The following COL23A1 variants were observed in gnomAD, a reference collection of about 807,000 sequenced individuals.
COL23A1 encodes the protein collagen alpha-1(XXIII) chain.
In COL23A1, 97 loss-of-function variants were observed where a neutral mutation model predicts 99.3. The ratio of observed to expected loss-of-function variants is 0.98; its 90% confidence interval spans 0.83 to 1.16. COL23A1 has a LOEUF of 1.16. COL23A1 is among the 50% of genes most tolerant of loss of function. The probability of loss-of-function intolerance (pLI) is 0.00; values close to 1 mark genes in which losing one functional copy is unlikely to be tolerated. For synonymous variants in COL23A1, 320 were observed against 308.2 expected, an observed-to-expected ratio of 1.04 and a Z score of -0.40; for missense variants, 762 against 757.4, an observed-to-expected ratio of 1.01 and a Z score of -0.07.
rs756367939 is a variant in COL23A1, at chr5:178,358,689, GTGTA to G, written c.362-51774_362-51771del. 2.5e-4 allele frequency among the ~76,000 whole-genome samples: 34 copies of G among 136,858 alleles called. No homozygotes were observed. In the East Asian group the frequency reaches 6.0e-3, roughly 24 times the overall value. 89.8% of individuals were successfully genotyped at this position (136,858 alleles called of 152,430 possible). A position where few individuals can be genotyped will look rare whatever the true frequency, so the allele number is the denominator to read the frequency against. ...GTGTCTAATGTGTATGTGTATGTGT[GTGTA>G]TGTATGTGTATGTGTGTATGTGTGT... On this transcript the variant is annotated intron_variant, in intron 2 of 28. Transcript: ENST00000390654.
rs1464123520 is a variant in COL23A1 at position 178,455,396 on chromosome 5, A to C, written c.361+105286T>G. On this transcript the variant is annotated intron_variant, in intron 2 of 28. Coordinates refer to ENST00000390654, the MANE Select transcript of COL23A1 (RefSeq NM_173465.4). The stretch of plus-strand genomic sequence containing the variant: ...GCCTGACCCTGGCATCGGCTGACAC[A>C]GCAGGGTGGAACCCCAGGGGGGCTG... Among the ~76,000 whole-genome samples the C allele has an allele frequency of 2.0e-5, 3 of 152,222 alleles. No individual in the cohort carries two copies. In the East Asian group the frequency reaches 5.8e-4, roughly 29 times the overall value.
chr5:178,256,853 G>C lies in COL23A1; in HGVS notation c.837+13C>G. 6.2e-7 allele frequency: 1 copy of C among 1,611,602 alleles called. No individual in the cohort carries two copies. Among genetic ancestry groups the C allele is most frequent in the Non-Finnish European group, 8.5e-7 (1 of 1,178,986 alleles). On this transcript the variant is annotated intron_variant, in intron 14 of 28. Transcript: ENST00000390654. ...GGGCCCGCAGGCGCCAGAGCAGAGAGCTCTCATGTCACCTTCGGTCCTGGG... is the reference window on the plus strand; with the variant it reads ...GGGCCCGCAGGCGCCAGAGCAGAGACCTCTCATGTCACCTTCGGTCCTGGG...
chr5:178,494,988 A>T (rs1317579824), intron 2 of COL23A1, among the ~76,000 whole-genome samples: 1 of 152,314 alleles, frequency 6.6e-6, no homozygotes, highest in East Asian at 1.9e-4. Context: ...TTCAGCCCCA[A>T]TAATGACATG....
chr5:178,362,480 A>C (rs543457558), intron 2 of COL23A1, among the ~76,000 whole-genome samples: 32 of 151,884 alleles, frequency 2.1e-4, no homozygotes, highest in African/African-American at 7.7e-4. Flanking sequence ...TTTTGCCACC[A>C]GCACCTCACT....
intron 2 of COL23A1, among the ~76,000 whole-genome samples, chr5:178,505,480 A>T (rs1758815269): frequency 6.6e-6 from 1 of 152,000 alleles, no homozygotes; most frequent in Non-Finnish European, 1.5e-5. Context: ...TAAACTCCTG[A>T]CCTCAGGTGA....
chr5:178,267,730 C>T (rs369916214), intron 7 of COL23A1, among the ~76,000 whole-genome samples: 2 of 152,234 alleles, frequency 1.3e-5, no homozygotes, highest in Admixed American at 1.3e-4. Context: ...GACACCAAGA[C>T]ACCAGTTCTC....
At chr5:178,352,537 TAAAATATAGAAGC>T (rs1233634357) in intron 2 of COL23A1, among the ~76,000 whole-genome samples, 1 of 152,160 alleles carries the variant, frequency 6.6e-6, no homozygotes, top group Non-Finnish European at 1.5e-5. Flanking sequence ...TTACAATAGA[TAAAATATAGAAGC>T]ACAGCTCCTC....
intron 2 of COL23A1, among the ~76,000 whole-genome samples, chr5:178,326,118 G>A (rs1416235695): frequency 1.3e-5 from 2 of 152,186 alleles, no homozygotes; most frequent in Admixed American, 6.5e-5. Flanking sequence ...ATGAGCGGGG[G>A]AGTATTCTCA....
chr5:178,344,400 A>G lies in COL23A1; in HGVS notation c.362-37481T>C, dbSNP rs28439842. Among the ~76,000 whole-genome samples the G allele has an allele frequency of 9.2e-3, 1,398 of 152,146 alleles. 21 individuals carry two copies. The highest frequency in any genetic ancestry group is 0.031 in the African/African-American group (1,290 of 41,516). On this transcript the variant is annotated intron_variant, in intron 2 of 28. Coordinates refer to ENST00000390654, the MANE Select transcript of COL23A1 (RefSeq NM_173465.4). ...GCCTGTAATCCCAGCACCTTGGGAG[A>G]CCAAGGTGGGTGGATCACCTGAGGT...
chr5:178,367,813 CG>C (rs1230026147), intron 2 of COL23A1, among the ~76,000 whole-genome samples: 1 of 152,246 alleles, frequency 6.6e-6, no homozygotes, highest in Admixed American at 6.5e-5. Flanking sequence ...CGCAGGTACA[CG>C]TGAGTCCAGG....
chr5:178,471,907 T>C (rs1756773630), intron 2 of COL23A1, among the ~76,000 whole-genome samples: 1 of 152,140 alleles, frequency 6.6e-6, no homozygotes, highest in African/African-American at 2.4e-5. Context: ...CTTCCCCATA[T>C]GGTCCTGTTG....
At chr5:178,418,099 T>C (rs1414726710) in intron 2 of COL23A1, among the ~76,000 whole-genome samples, 1 of 152,238 alleles carries the variant, frequency 6.6e-6, no homozygotes, top group East Asian at 1.9e-4. Flanking sequence ...ATTCAAACCC[T>C]AGGTCTGCCA....
chr5:178,536,344 T>C (rs988361012), intron 2 of COL23A1, among the ~76,000 whole-genome samples: 1 of 152,188 alleles, frequency 6.6e-6, no homozygotes, highest in Non-Finnish European at 1.5e-5. Context: ...CAGTGGGGCT[T>C]AGAGAGCCTC....
intron 2 of COL23A1, among the ~76,000 whole-genome samples, chr5:178,411,857 T>C (rs1272381526): frequency 6.6e-6 from 1 of 152,226 alleles, no homozygotes; most frequent in Non-Finnish European, 1.5e-5. Context: ...GCCTATAGCA[T>C]TGGTAGAACA....
At chr5:178,523,225 G>GAGAGAGAGAGAGAC (rs1760098729) in intron 2 of COL23A1, among the ~76,000 whole-genome samples, 1 of 108,078 alleles carries the variant, frequency 9.3e-6, no homozygotes, top group South Asian at 3.0e-4. Flanking sequence ...GAGAGAGAGA[G>GAGAGAGAGAGAGAC]ACAGAGGGAG....
chr5:178,397,285 G>A (rs531622230), intron 2 of COL23A1, among the ~76,000 whole-genome samples: 12 of 152,358 alleles, frequency 7.9e-5, no homozygotes, highest in African/African-American at 1.9e-4. Context: ...AAAAGAAAAC[G>A]GCAGGGATGC....
rs1389525801 is a variant in COL23A1 at position 178,237,638 on chromosome 5, T to G, written c.*1060A>C. The stretch of plus-strand genomic sequence containing the variant: ...ACCCAGACACGCACTTGTGGTTTAT[T>G]ACACACAGTGATCTCCATCTACACG... On this transcript the variant is annotated 3_prime_UTR_variant, in exon 29 of 29. Coordinates refer to ENST00000390654, the MANE Select transcript of COL23A1 (RefSeq NM_173465.4). 1 of 152,112 alleles carries G rather than the reference T, an allele frequency of 6.6e-6. No individual in the cohort carries two copies. The highest frequency in any genetic ancestry group is 1.5e-5 in the Non-Finnish European group (1 of 67,840). The allele number at this position is 152,112 out of a possible 1,614,324, so 9.4% of individuals were successfully genotyped here.
intron 5 of COL23A1, among the ~76,000 whole-genome samples, chr5:178,273,664 G>T (rs917325886): frequency 1.3e-5 from 2 of 152,234 alleles, no homozygotes; most frequent in Non-Finnish European, 2.9e-5. Flanking sequence ...CAGCAGACGG[G>T]GCTGGGCCAG....
chr5:178,269,953 C>T (rs558807938), intron 6 of COL23A1, among the ~76,000 whole-genome samples: 2 of 152,374 alleles, frequency 1.3e-5, no homozygotes, highest in Non-Finnish European at 2.9e-5. Flanking sequence ...CAGCTTGATG[C>T]CCACCAGGGC....
Sources: allele counts gnomAD v4.1 joint callset (sites outside exome capture counted in the v4.1 genomes callset), GRCh38; gene constraint gnomAD v4.1.1; transcripts MANE v1.5; gene names NCBI Gene and HGNC (gene_info 2026-07-23, HGNC 2026-07-21).